Variants in LINGO2 observed in about 807,000 individuals in gnomAD.
The protein encoded by LINGO2 is leucine rich repeat and Ig domain containing 2, also known as leucine-rich repeat and immunoglobulin-like domain-containing nogo receptor-interacting protein 2.
Under a neutral mutation model 30.6 loss-of-function variants are expected in LINGO2, and 14 were observed. The observed-to-expected ratio is 0.46, with a 90% CI of 0.30 to 0.72. The LOEUF (loss-of-function observed/expected upper bound fraction) is 0.72. Ranked by LOEUF, LINGO2 falls within the 30% of genes least tolerant of loss-of-function variation. LINGO2 has a pLI of 0.07. For synonymous variants in LINGO2, 317 were observed against 288.5 expected (o/e 1.10, Z -1.00); for missense variants, 729 against 751.7 (o/e 0.97, Z 0.35).
intron 4 of LINGO2, among the ~76,000 whole-genome samples, chr9:28,255,451 C>T (rs931736099): frequency 6.6e-6 from 1 of 152,036 alleles, no homozygotes; most frequent in African/African-American, 2.4e-5. Flanking sequence ...GCTGAATATC[C>T]TGGGGCAAGT....
the LINGO2 span, among the ~76,000 whole-genome samples, chr9:28,915,292 T>C: frequency 1.3e-5 from 2 of 152,218 alleles, no homozygotes; most frequent in Non-Finnish European, 2.9e-5. Flanking sequence ...CAGTCACTTC[T>C]TCAAGAAAGG....
At chr9:28,043,580 T>G (rs1369154585) in intron 4 of LINGO2, among the ~76,000 whole-genome samples, 1 of 152,200 alleles carries the variant, frequency 6.6e-6, no homozygotes, top group Non-Finnish European at 1.5e-5. Context: ...TATTACCCCA[T>G]TTTTGAGAAC....
intron 1 of LINGO2, among the ~76,000 whole-genome samples, chr9:28,588,738 C>A (rs1209841791): frequency 6.6e-6 from 1 of 151,958 alleles, no homozygotes; most frequent in Non-Finnish European, 1.5e-5. Flanking sequence ...TTTTATAGTT[C>A]CTTAAATCCT....
At position 28,237,668 on chromosome 9, in the gene LINGO2, C is replaced by T. The variant is rs528806120; in HGVS notation, c.-87+57540G>A. Reference sequence around the variant, plus strand: ...AGGAGTTCAAGACCAGCCTGGCCAACGTGGCAAAACCCCAGCTCTACTAAA... The same window carrying T: ...AGGAGTTCAAGACCAGCCTGGCCAATGTGGCAAAACCCCAGCTCTACTAAA... On this transcript the variant is annotated intron_variant, in intron 4 of 5. Transcript: ENST00000379992. Among the ~76,000 whole-genome samples, 11 of 152,168 alleles carry T rather than the reference C, an allele frequency of 7.2e-5. No homozygotes were observed. The East Asian group carries it at 9.7e-4, about 13-fold the overall frequency.
chr9:28,679,144 T>C, the LINGO2 span, among the ~76,000 whole-genome samples: 4 of 152,162 alleles, frequency 2.6e-5, no homozygotes, highest in East Asian at 1.9e-4. Flanking sequence ...GCGGGTCATC[T>C]CATCTTCTTT....
At chr9:28,091,453 G>A (rs577386558) in intron 4 of LINGO2, among the ~76,000 whole-genome samples, 2 of 152,250 alleles carry the variant, frequency 1.3e-5, no homozygotes, top group South Asian at 4.1e-4. Flanking sequence ...AACAGGGAAA[G>A]GATTCCCTAT....
chr9:28,146,670 C>A (rs942401091), intron 4 of LINGO2, among the ~76,000 whole-genome samples: 2 of 151,854 alleles, frequency 1.3e-5, no homozygotes, highest in African/African-American at 4.8e-5. Context: ...TACATGTTTC[C>A]CTAGTCCAGA....
chr9:28,804,480 A>G, the LINGO2 span, among the ~76,000 whole-genome samples: 1 of 151,984 alleles, frequency 6.6e-6, no homozygotes, highest in South Asian at 2.1e-4. Context: ...AAGAAAGCTT[A>G]GTTTATTTGA....
chr9:28,411,127 G>A (rs1822743693), intron 2 of LINGO2, among the ~76,000 whole-genome samples: 1 of 150,182 alleles, frequency 6.7e-6, no homozygotes, highest in Admixed American at 6.7e-5. Context: ...TCAGGTATTA[G>A]GAGAGCCTTC....
the LINGO2 span, among the ~76,000 whole-genome samples, chr9:29,213,589 T>TGCGC: frequency 6.6e-6 from 1 of 152,066 alleles, no homozygotes; most frequent in Non-Finnish European, 1.5e-5. Flanking sequence ...GAGCTCGGGC[T>TGCGC]GCGCACACAC....
chr9:28,832,804 G>C, the LINGO2 span, among the ~76,000 whole-genome samples: 10 of 151,994 alleles, frequency 6.6e-5, no homozygotes. Context: ...TAGTCAAAAG[G>C]CACTTCCTGA....
At chr9:28,867,785 G>C in the LINGO2 span, among the ~76,000 whole-genome samples, 2 of 152,030 alleles carry the variant, frequency 1.3e-5, no homozygotes, top group Non-Finnish European at 2.9e-5. Context: ...CTCATGTTTT[G>C]TCTTTGCCCC....
chr9:28,237,124 G>A (rs911878562), intron 4 of LINGO2, among the ~76,000 whole-genome samples: 3 of 131,986 alleles, frequency 2.3e-5, no homozygotes, highest in East Asian at 2.3e-4. Context: ...GTGCGGGGGG[G>A]GGGTAAAGTT....
chr9:28,874,377 A>C, the LINGO2 span, among the ~76,000 whole-genome samples: 2 of 152,092 alleles, frequency 1.3e-5, no homozygotes, highest in South Asian at 4.1e-4. Flanking sequence ...ATAATGGAAG[A>C]AAAACACTTT....
intron 5 of LINGO2, among the ~76,000 whole-genome samples, chr9:27,981,551 G>GAAAAAAAAAAAAAAAAAAAAAAAA (rs1279785343): frequency 2.3e-5 from 2 of 87,146 alleles, no homozygotes; most frequent in African/African-American, 8.4e-5. Flanking sequence ...AAAAAAAAAA[G>GAAAAAAAAAAAAAAAAAAAAAAAA]AAAAAAAAGA....
the LINGO2 span, among the ~76,000 whole-genome samples, chr9:29,169,140 G>T: frequency 4.5e-3 from 677 of 152,058 alleles, 9 homozygotes; most frequent in African/African-American, 0.015. Flanking sequence ...TAGAGATGGG[G>T]TTTCACCATG....
chr9:28,918,924 G>C, the LINGO2 span, among the ~76,000 whole-genome samples: 2 of 152,162 alleles, frequency 1.3e-5, no homozygotes, highest in African/African-American at 4.8e-5. Flanking sequence ...TCAACAAAGA[G>C]ACTAAGCTAA....
chr9:28,766,660 T>C, the LINGO2 span, among the ~76,000 whole-genome samples: 3 of 151,950 alleles, frequency 2.0e-5, no homozygotes, highest in Non-Finnish European at 4.4e-5. Flanking sequence ...ATACCTAAGA[T>C]ATAAAATTAC....
At chr9:28,916,535 C>A in the LINGO2 span, among the ~76,000 whole-genome samples, 1 of 152,198 alleles carries the variant, frequency 6.6e-6, no homozygotes, top group African/African-American at 2.4e-5. Context: ...TAAACTCTTT[C>A]AACCAATTGC....
Sources: gnomAD v4.1 joint callset for allele counts (sites outside exome capture counted in the v4.1 genomes callset) on GRCh38, gnomAD v4.1.1 for gene constraint, MANE v1.5 for transcripts, NCBI Gene and HGNC (gene_info 2026-07-23, HGNC 2026-07-21) for gene names.